COL13A1: variants seen among roughly 807,000 people sequenced by gnomAD.
COL13A1 encodes collagen type XIII alpha 1 chain.
In COL13A1, 89 loss-of-function variants were observed where a neutral mutation model predicts 130.9. That is an observed-to-expected ratio of 0.68 (90% CI 0.57 to 0.81). The LOEUF is 0.81. Ranked by LOEUF, COL13A1 falls within the 30% of genes least tolerant of loss-of-function variation. The probability of loss-of-function intolerance (pLI) is 0.00; values close to 1 mark genes in which losing one functional copy is unlikely to be tolerated. For synonymous variants in COL13A1, 402 were observed against 341.6 expected, an observed-to-expected ratio of 1.18 and a Z score of -1.95; for missense variants, 879 against 934.6, an observed-to-expected ratio of 0.94 and a Z score of 0.78.
chr10:69,887,426 C>T (rs759244567), intron 7 of COL13A1, 30 bp from the exon 8 acceptor site: 2 of 1,609,380 alleles, frequency 1.2e-6, no homozygotes, highest in Non-Finnish European at 1.7e-6. Flanking sequence ...CTTGCTCAAT[C>T]TCATGTGTCT....
chr10:69,858,679 A>G (rs1050452947), intron 2 of COL13A1, among the ~76,000 whole-genome samples: 3 of 152,204 alleles, frequency 2.0e-5, no homozygotes, highest in African/African-American at 7.2e-5. Context: ...CATGGTCTGA[A>G]CTTAGCCCAG....
chr10:69,956,927 C>T, intron 39 of COL13A1, 77 bp from the exon 40 acceptor site: 1 of 1,164,594 alleles, frequency 8.6e-7, no homozygotes, highest in Non-Finnish European at 1.3e-6. Flanking sequence ...TGCGTGTGGC[C>T]CTTGTTACCC....
chr10:69,822,536 G>A (rs953028953), intron 2 of COL13A1, 98 bp downstream of exon 2: 7 of 889,726 alleles, frequency 7.9e-6, no homozygotes, highest in South Asian at 2.4e-5. Context: ...CACTCAGGCC[G>A]TCACTTTTCA....
intron 17 of COL13A1, among the ~76,000 whole-genome samples, chr10:69,906,789 G>C (rs1004638322): frequency 6.6e-5 from 10 of 151,996 alleles, no homozygotes; most frequent in African/African-American, 2.4e-4. Context: ...GGAGTGCAAT[G>C]GCGTGATCTC....
chr10:69,882,030 C>T (rs548688237), intron 7 of COL13A1, among the ~76,000 whole-genome samples: 12 of 152,312 alleles, frequency 7.9e-5, no homozygotes, highest in East Asian at 1.9e-4. Flanking sequence ...GTGGCTGCCC[C>T]GATGGGCTTC....
chr10:69,887,418 T>G (rs770682328), intron 7 of COL13A1, 38 bp from the exon 8 acceptor site: 4 of 1,606,636 alleles, frequency 2.5e-6, no homozygotes, highest in Non-Finnish European at 3.4e-6. Context: ...GTCTCCTCCT[T>G]GCTCAATCTC....
Position 69,802,617 on chromosome 10 carries a change from CGGCCGAGCTGCA to C in COL13A1, c.199_210del (p.Glu67_Ala70del). 1 of 1,613,150 alleles carries C rather than the reference CGGCCGAGCTGCA, an allele frequency of 6.2e-7. No individual in the cohort carries two copies. Reference sequence around the variant, plus strand: ...CTCAGCCTGCTCGCCCACTTTCGGACGGCCGAGCTGCAGGCCCGGGTGCTGCGCCTGGAAGCG... The same window carrying C: ...CTCAGCCTGCTCGCCCACTTTCGGACGGCCCGGGTGCTGCGCCTGGAAGCG... On this transcript the variant is annotated inframe_deletion, in exon 1 of 41. Transcript: ENST00000645393.
chr10:69,875,518 G>A (rs1423812000), intron 5 of COL13A1, among the ~76,000 whole-genome samples: 2 of 152,216 alleles, frequency 1.3e-5, no homozygotes, highest in Non-Finnish European at 2.9e-5. Flanking sequence ...AAAGCTGGCA[G>A]CTCACCCTTA....
chr10:69,910,007 C>T (rs1358548516), intron 17 of COL13A1, among the ~76,000 whole-genome samples: 1 of 152,206 alleles, frequency 6.6e-6, no homozygotes, highest in African/African-American at 2.4e-5. Flanking sequence ...TGTCTTTGCA[C>T]CCTGGTGCAG....
At position 69,902,731 on chromosome 10, in the gene COL13A1, G is replaced by A. The variant is rs543490632; in HGVS notation, c.751-17G>A. ...TCTGGGGGCCTTCCCTCTAACATTC[G>A]TTTCCATGAACCTCAGGGCGAACAG... On this transcript the variant is annotated splice_polypyrimidine_tract_variant and intron_variant, in intron 14 of 40. Coordinates refer to ENST00000645393, the MANE Select transcript of COL13A1 (RefSeq NM_001368882.1). The A allele has an allele frequency of 8.4e-6, 13 of 1,542,368 alleles. No homozygotes were observed. Among genetic ancestry groups the A allele is most frequent in the South Asian group, 6.1e-5 (5 of 82,384 alleles).
At chr10:69,810,037 T>C (rs1465017760) in intron 1 of COL13A1, among the ~76,000 whole-genome samples, 1 of 152,152 alleles carries the variant, frequency 6.6e-6, no homozygotes, top group Non-Finnish European at 1.5e-5. Context: ...CTGTATACTG[T>C]CTGTCTGTCT....
At chr10:69,904,014 C>A (rs2062467450) in intron 15 of COL13A1, among the ~76,000 whole-genome samples, 1 of 152,218 alleles carries the variant, frequency 6.6e-6, no homozygotes, top group African/African-American at 2.4e-5. Context: ...ATGACCCCTG[C>A]AATGCTTGAC....
chr10:69,898,644 C>T, intron 13 of COL13A1, 53 bp from the exon 14 acceptor site: 4 of 1,538,212 alleles, frequency 2.6e-6, no homozygotes, highest in Non-Finnish European at 3.6e-6. Flanking sequence ...GATCTGAATA[C>T]CTGTGATCTT....
At chr10:69,939,194 G>C (rs370725019) in intron 34 of COL13A1, among the ~76,000 whole-genome samples, 1 of 152,312 alleles carries the variant, frequency 6.6e-6, no homozygotes, top group East Asian at 1.9e-4. Flanking sequence ...ACTAGGGAGT[G>C]GAGGGGACTG....
At chr10:69,859,917 G>A (rs1316437518) in intron 2 of COL13A1, among the ~76,000 whole-genome samples, 1 of 152,236 alleles carries the variant, frequency 6.6e-6, no homozygotes. Flanking sequence ...TGGCTCAAAT[G>A]GGAAAAGGTA....
At chr10:69,888,553 G>T (rs972841203) in intron 9 of COL13A1, among the ~76,000 whole-genome samples, 3 of 152,204 alleles carry the variant, frequency 2.0e-5, no homozygotes, top group Non-Finnish European at 4.4e-5. Flanking sequence ...GGCTTTCGAA[G>T]TCCAGGCGAG....
Position 69,898,749 on chromosome 10 carries a change from G to T in COL13A1, c.737G>T (p.Arg246Met). 1 of 1,613,350 alleles carries T rather than the reference G, an allele frequency of 6.2e-7. No individual in the cohort carries two copies. The highest frequency in any genetic ancestry group is 8.5e-7 in the Non-Finnish European group (1 of 1,179,612). The change falls in exon 14 of 41, where the codon AGG becomes ATG. Residue 246 changes from arginine (R) to methionine (M), a missense_variant. By Grantham distance (91) the Arg-to-Met change is moderately conservative (BLOSUM62 -1). Transcript: ENST00000645393. ...CTGGCTCCACCCCCGGTCATAAAAA[G>T]GCGGACGTTCCAGGTAGACACCTCC... ...VRLAPPPVIK[R>M]RTFQGEQSQA...
intron 17 of COL13A1, among the ~76,000 whole-genome samples, chr10:69,911,560 G>A (rs2063384772): frequency 6.6e-6 from 1 of 152,166 alleles, no homozygotes; most frequent in Non-Finnish European, 1.5e-5. Flanking sequence ...CAGCCCTGGG[G>A]GACCCCATGA....
At chr10:69,889,385 A>G in intron 9 of COL13A1, 29 bp from the exon 10 acceptor site, 1 of 1,606,458 alleles carries the variant, frequency 6.2e-7, no homozygotes, top group Non-Finnish European at 8.5e-7. Flanking sequence ...CGAACAGTGC[A>G]CCTGGTACTC....
Sources: gnomAD v4.1 joint callset for allele counts (sites outside exome capture counted in the v4.1 genomes callset) on GRCh38, gnomAD v4.1.1 for gene constraint, MANE v1.5 for transcripts, NCBI Gene and HGNC (gene_info 2026-07-23, HGNC 2026-07-21) for gene names.